The following EPHA5 variants were observed in gnomAD, a reference collection of about 807,000 sequenced individuals.
EPHA5 encodes the protein EPH receptor A5.
In EPHA5, 60 loss-of-function variants were observed where a neutral mutation model predicts 105.0. The observed-to-expected ratio is 0.57, with a 90% CI of 0.46 to 0.71. The LOEUF (loss-of-function observed/expected upper bound fraction) is 0.71, where lower values mean the gene tolerates loss of function less well. Ranked by LOEUF, EPHA5 falls within the 30% of genes least tolerant of loss-of-function variation. EPHA5 has a pLI of 0.00. For missense variants in EPHA5, 1,218 were observed against 1,274.7 expected (o/e 0.96, Z 0.68); for synonymous variants, 513 against 449.1 (o/e 1.14, Z -1.80).
At chr4:65,403,050 G>A (rs1170077121) in intron 8 of EPHA5, among the ~76,000 whole-genome samples, 1 of 151,918 alleles carries the variant, frequency 6.6e-6, no homozygotes, top group Admixed American at 6.6e-5. Context: ...ACGCGTAAAT[G>A]CTAATCTAAC....
At chr4:65,456,523 G>A (rs1036773263) in intron 5 of EPHA5, among the ~76,000 whole-genome samples, 11 of 152,100 alleles carry the variant, frequency 7.2e-5, no homozygotes, top group Admixed American at 6.5e-4. Context: ...CAAGACTGTC[G>A]TATTTTTAAC....
chr4:65,611,971 C>G (rs1440387340), intron 2 of EPHA5, among the ~76,000 whole-genome samples: 65 of 129,618 alleles, frequency 5.0e-4, no homozygotes, highest in Admixed American at 1.0e-3. Context: ...GAGCCGAGAT[C>G]AGGCCACTGC....
intron 5 of EPHA5, among the ~76,000 whole-genome samples, chr4:65,432,385 C>T (rs1336064188): frequency 6.6e-6 from 1 of 152,074 alleles, no homozygotes; most frequent in African/African-American, 2.4e-5. Context: ...AATAAAATTG[C>T]TTAAAAATAC....
chr4:65,482,688 T>C (rs1021893302), intron 5 of EPHA5, among the ~76,000 whole-genome samples: 1 of 152,156 alleles, frequency 6.6e-6, no homozygotes, highest in African/African-American at 2.4e-5. Flanking sequence ...GACCTGTTAA[T>C]AGTGTTCACA....
intron 11 of EPHA5, among the ~76,000 whole-genome samples, chr4:65,358,192 T>G (rs1723491057): frequency 6.6e-6 from 1 of 151,554 alleles, no homozygotes; most frequent in Admixed American, 6.6e-5. Flanking sequence ...GAGTTGCTGC[T>G]AAATATAGGC....
intron 3 of EPHA5, among the ~76,000 whole-genome samples, chr4:65,600,758 G>C (rs927758506): frequency 6.6e-6 from 1 of 152,062 alleles, no homozygotes; most frequent in Non-Finnish European, 1.5e-5. Flanking sequence ...TCATGAGGGT[G>C]AATAATTTAA....
intron 3 of EPHA5, among the ~76,000 whole-genome samples, chr4:65,586,897 G>A (rs917244872): frequency 3.9e-5 from 6 of 151,968 alleles, no homozygotes; most frequent in Admixed American, 3.9e-4. Context: ...AAACAGTTCT[G>A]TTCTACCCAT....
intron 4 of EPHA5, among the ~76,000 whole-genome samples, chr4:65,492,449 G>T (rs747367837): frequency 2.7e-5 from 4 of 145,708 alleles, no homozygotes; most frequent in Non-Finnish European, 5.9e-5. Context: ...TGATCCACCC[G>T]CCTGGGCCTC....
chr4:65,463,658 TTAAGTA>T (rs1424062394), intron 5 of EPHA5, among the ~76,000 whole-genome samples: 3 of 152,124 alleles, frequency 2.0e-5, no homozygotes, highest in Non-Finnish European at 1.5e-5. Flanking sequence ...CTGTCCTCAT[TTAAGTA>T]TAAGTTCATT....
At chr4:65,506,892 T>G (rs1460195059) in intron 3 of EPHA5, among the ~76,000 whole-genome samples, 2 of 152,208 alleles carry the variant, frequency 1.3e-5, no homozygotes, top group African/African-American at 2.4e-5. Flanking sequence ...TTTTGGCTTT[T>G]GTTGCCATTG....
chr4:65,437,501 G>T (rs1417590175), intron 5 of EPHA5, among the ~76,000 whole-genome samples: 2 of 151,924 alleles, frequency 1.3e-5, no homozygotes, highest in Non-Finnish European at 2.9e-5. Flanking sequence ...AGATAATAAT[G>T]TACAATTGAC....
chr4:65,578,583 C>A (rs1393461708), intron 3 of EPHA5, among the ~76,000 whole-genome samples: 1 of 152,050 alleles, frequency 6.6e-6, no homozygotes, highest in Non-Finnish European at 1.5e-5. Flanking sequence ...GTGAAGACTT[C>A]TACTACATAA....
At chr4:65,427,779 G>A (rs1241990833) in intron 5 of EPHA5, among the ~76,000 whole-genome samples, 2 of 152,196 alleles carry the variant, frequency 1.3e-5, no homozygotes, top group East Asian at 1.9e-4. Context: ...AAATAGTATT[G>A]GCATTAGCAT....
At chr4:65,494,727 A>T (rs1731746388) in intron 4 of EPHA5, among the ~76,000 whole-genome samples, 1 of 152,226 alleles carries the variant, frequency 6.6e-6, no homozygotes, top group East Asian at 1.9e-4. Context: ...ACACTCACTA[A>T]CAAGAAACAT....
At chr4:65,371,044 C>T (rs1439148293) in intron 8 of EPHA5, among the ~76,000 whole-genome samples, 1 of 152,046 alleles carries the variant, frequency 6.6e-6, no homozygotes, top group African/African-American at 2.4e-5. Context: ...ATAAATATGT[C>T]ATTCTGTATG....
At chr4:65,645,572 A>G (rs1018773198) in intron 1 of EPHA5, among the ~76,000 whole-genome samples, 27 of 152,116 alleles carry the variant, frequency 1.8e-4, no homozygotes, top group Non-Finnish European at 1.5e-4. Flanking sequence ...AGATTCAGTT[A>G]ACTGCACTTG....
At chr4:65,351,696 C>G (rs1010470745) in intron 12 of EPHA5, 98 bp from the exon 13 acceptor site, 6 of 1,032,214 alleles carry the variant, frequency 5.8e-6, no homozygotes, top group Non-Finnish European at 8.6e-6. Context: ...TACTATCAGT[C>G]GCTAAAATTC....
intron 5 of EPHA5, among the ~76,000 whole-genome samples, chr4:65,443,966 A>G (rs1726270942): frequency 6.6e-6 from 1 of 151,914 alleles, no homozygotes; most frequent in Middle Eastern, 3.4e-3. Flanking sequence ...CACTGGGGGT[A>G]CACATCTATG....
chr4:65,487,040 C>A (rs535713564), intron 5 of EPHA5, among the ~76,000 whole-genome samples: 1 of 152,270 alleles, frequency 6.6e-6, no homozygotes, highest in Non-Finnish European at 1.5e-5. Flanking sequence ...TGCCTCACTC[C>A]TTCTTTGCCT....
Sources: gnomAD v4.1 joint callset for allele counts (sites outside exome capture counted in the v4.1 genomes callset) on GRCh38, gnomAD v4.1.1 for gene constraint, MANE v1.5 for transcripts, NCBI Gene and HGNC (gene_info 2026-07-23, HGNC 2026-07-21) for gene names.